Variants in NUP153 observed in about 807,000 individuals in gnomAD.
NUP153 encodes the protein nuclear pore complex protein Nup153.
In NUP153, 27 loss-of-function variants were observed where a neutral mutation model predicts 134.6. That is an observed-to-expected ratio of 0.20 (90% CI 0.15 to 0.28). The LOEUF is 0.28. Ranked by LOEUF, NUP153 falls within the 10% of genes least tolerant of loss-of-function variation. The pLI, the probability that NUP153 is intolerant of heterozygous loss-of-function variation, is 1.00. For missense variants in NUP153, 1,821 were observed against 1,731.3 expected, an observed-to-expected ratio of 1.05 and a Z score of -0.92; for synonymous variants, 640 against 623.5, an observed-to-expected ratio of 1.03 and a Z score of -0.40.
chr6:17,665,435 A>T, intron 8 of NUP153, 50 bp from the exon 9 acceptor site: 1 of 1,470,024 alleles, frequency 6.8e-7, no homozygotes, highest in Non-Finnish European at 9.3e-7. Context: ...TAAATCAATG[A>T]TTCATATCTA....
At chr6:17,622,054 T>C (rs1764670697) in intron 20 of NUP153, among the ~76,000 whole-genome samples, 1 of 152,212 alleles carries the variant, frequency 6.6e-6, no homozygotes, top group Non-Finnish European at 1.5e-5. Context: ...TGCTTTGTGT[T>C]TTCTGTGGGA....
At chr6:17,617,091 T>C (rs1764374507) in intron 20 of NUP153, among the ~76,000 whole-genome samples, 1 of 152,176 alleles carries the variant, frequency 6.6e-6, no homozygotes, top group South Asian at 2.1e-4. Context: ...GACCTTTACA[T>C]ATAAAAACAT....
intron 5 of NUP153, among the ~76,000 whole-genome samples, chr6:17,670,189 G>A (rs931174551): frequency 4.0e-5 from 6 of 150,768 alleles, no homozygotes; most frequent in South Asian, 2.1e-4. Context: ...TAACCCCTTC[G>A]GTAATAACAG....
chr6:17,703,400 G>A (rs569183085), intron 1 of NUP153, among the ~76,000 whole-genome samples: 1 of 152,040 alleles, frequency 6.6e-6, no homozygotes, highest in East Asian at 1.9e-4. Context: ...AACTAACAGC[G>A]CCAGACCTCT....
intron 9 of NUP153, among the ~76,000 whole-genome samples, chr6:17,664,605 G>A (rs1481679153): frequency 6.6e-6 from 1 of 152,164 alleles, no homozygotes; most frequent in Non-Finnish European, 1.5e-5. Context: ...GCATATCAAA[G>A]TACTTAGGGT....
At chr6:17,637,935 T>C (rs1297252379) in intron 15 of NUP153, among the ~76,000 whole-genome samples, 165 bp from the exon 16 acceptor site, 1 of 152,228 alleles carries the variant, frequency 6.6e-6, no homozygotes, top group Non-Finnish European at 1.5e-5. Context: ...TATTTATCAA[T>C]TACCTAATAA....
chr6:17,645,715 A>G (rs558328773), intron 14 of NUP153, among the ~76,000 whole-genome samples: 1 of 152,294 alleles, frequency 6.6e-6, no homozygotes, highest in South Asian at 2.1e-4. Context: ...ACTAGAAATA[A>G]AATCTACTAC....
At chr6:17,661,270 C>T (rs1767158459) in intron 11 of NUP153, among the ~76,000 whole-genome samples, 2 of 152,018 alleles carry the variant, frequency 1.3e-5, no homozygotes, top group African/African-American at 2.4e-5. Context: ...GCCGAGACTG[C>T]GCCACTGCAC....
chr6:17,703,635 A>T (rs1030865897), intron 1 of NUP153, among the ~76,000 whole-genome samples: 4 of 150,240 alleles, frequency 2.7e-5, no homozygotes, highest in Non-Finnish European at 5.9e-5. Context: ...AGGACTAAAG[A>T]AAGTCCTTAT....
chr6:17,675,899 A>G lies in NUP153; in HGVS notation c.335-129T>C. 1.2e-6 allele frequency: 1 copy of G among 823,182 alleles called. No individual in the cohort carries two copies. Among genetic ancestry groups the G allele is most frequent in the Non-Finnish European group, 1.9e-6 (1 of 514,110 alleles). The allele number at this position is 823,182 out of a possible 1,614,324, so 51.0% of individuals were successfully genotyped here. ...AATTCAAATCACTGGGGCATCCCAT[A>G]ATAAGCCCAATATAACATACTCCTA... On this transcript the variant is annotated intron_variant, in intron 2 of 21. Transcript: ENST00000262077. The surrounding 1 kb of genome is among the most constrained non-coding windows in gnomAD (Gnocchi z 4.4).
chr6:17,683,011 A>G (rs189462524), intron 2 of NUP153, among the ~76,000 whole-genome samples: 2 of 151,962 alleles, frequency 1.3e-5, no homozygotes, highest in Admixed American at 1.3e-4. Flanking sequence ...ATATTGCAGT[A>G]ATTCAGTCAC....
intron 2 of NUP153, among the ~76,000 whole-genome samples, chr6:17,679,290 A>G (rs1467407978): frequency 1.3e-5 from 2 of 152,198 alleles, no homozygotes; most frequent in Non-Finnish European, 2.9e-5. Context: ...TTATAATAGC[A>G]TCAAAAAGAA....
chr6:17,628,993 T>C lies in NUP153; in HGVS notation c.3206A>G (p.Glu1069Gly), dbSNP rs915044336. 1 of 1,614,036 alleles carries C rather than the reference T, an allele frequency of 6.2e-7. No individual in the cohort carries two copies. Among genetic ancestry groups the C allele is most frequent in the Non-Finnish European group, 8.5e-7 (1 of 1,180,022 alleles). ...GGCAGGCATTTCTTCTTTTTTAGCTTCTGATGTCTTACATGTGAAAGGAGC... is the reference window on the plus strand; with the variant it reads ...GGCAGGCATTTCTTCTTTTTTAGCTCCTGATGTCTTACATGTGAAAGGAGC... Reference protein sequence around the residue: ...SVAPFTCKTSEAKKEEMPATK... With the variant: ...SVAPFTCKTSGAKKEEMPATK... The change falls in exon 18 of 22, where the codon GAA becomes GGA. Residue 1069 changes from glutamate (E) to glycine (G), a missense_variant. Coordinates refer to ENST00000262077, the MANE Select transcript of NUP153 (RefSeq NM_005124.4). The surrounding 1 kb of genome is among the most constrained non-coding windows in gnomAD (Gnocchi z 5.4).
chr6:17,618,507 A>T (rs1283213707), intron 20 of NUP153, among the ~76,000 whole-genome samples: 3 of 152,132 alleles, frequency 2.0e-5, no homozygotes, highest in Non-Finnish European at 2.9e-5. Flanking sequence ...GGAAACATCC[A>T]GAAAATAAAA....
At chr6:17,687,736 T>C (rs1182022170) in intron 2 of NUP153, among the ~76,000 whole-genome samples, 2 of 152,150 alleles carry the variant, frequency 1.3e-5, no homozygotes, top group Non-Finnish European at 2.9e-5. Context: ...TCAAAACATG[T>C]AGTGAAAGAA....
At chr6:17,677,553 T>C (rs554699693) in intron 2 of NUP153, among the ~76,000 whole-genome samples, 2 of 152,212 alleles carry the variant, frequency 1.3e-5, no homozygotes, top group East Asian at 3.9e-4. Flanking sequence ...CTTAAAATTA[T>C]TTTGACTAGG....
rs1214591049 is a variant in NUP153 at position 17,629,467 on chromosome 6, G to A, written c.2732C>T (p.Ser911Phe). Residue 911 changes from serine to phenylalanine, a missense_variant, in exon 18 of 22, where the codon TCT becomes TTT. Coordinates refer to ENST00000262077, the MANE Select transcript of NUP153 (RefSeq NM_005124.4). The part of the protein sequence containing the change: ...SSFKFGVSSS[S>F]SGPSQTLTST... Reference sequence around the variant, plus strand: ...TGTTAAAGTCTGAGAAGGCCCAGAAGAGGATGATGAGACACCAAATTTGAA... The same window carrying A: ...TGTTAAAGTCTGAGAAGGCCCAGAAAAGGATGATGAGACACCAAATTTGAA... The A allele has an allele frequency of 6.2e-7, 1 of 1,610,988 alleles. No individual in the cohort carries two copies. The highest frequency in any genetic ancestry group is 1.7e-5 in the Admixed American group (1 of 59,082).
At chr6:17,686,710 A>G (rs1581763200) in intron 2 of NUP153, among the ~76,000 whole-genome samples, 1 of 150,636 alleles carries the variant, frequency 6.6e-6, no homozygotes, top group Non-Finnish European at 1.5e-5. Flanking sequence ...AGTACTATAG[A>G]AAAAAAAAAT....
rs568893774 is a variant in NUP153, at chr6:17,637,326, G to A, written c.2291C>T (p.Ser764Leu). 6.2e-6 allele frequency: 10 copies of A among 1,614,024 alleles called. No homozygotes were observed. The African/African-American group carries it at 9.3e-5, about 15-fold the overall frequency. ...AGCAGTCATAGTCTCAGCACTTTCCGAAACCACTGTCAATGTAAGGGCTCG... is the reference window on the plus strand; with the variant it reads ...AGCAGTCATAGTCTCAGCACTTTCCAAAACCACTGTCAATGTAAGGGCTCG... ...VKRALTLTVV[S>L]ESAETMTASS... The change falls in exon 16 of 22, where the codon TCG (serine) becomes TTG (leucine). Residue 764 changes from serine (S) to leucine (L), a missense_variant. Ser to Leu is a moderately radical substitution (Grantham distance 145). Transcript: ENST00000262077.
Sources: gnomAD v4.1 joint callset for allele counts (sites outside exome capture counted in the v4.1 genomes callset) on GRCh38, gnomAD v4.1.1 for gene constraint, Gnocchi (gnomAD v3.1) non-coding constraint, MANE v1.5 for transcripts, NCBI Gene and HGNC (gene_info 2026-07-23, HGNC 2026-07-21) for gene names.